ZNF398: variants seen among roughly 807,000 people sequenced by gnomAD.
ZNF398 encodes zinc finger protein 398.
A neutral mutation model predicts 41.9 loss-of-function variants in ZNF398; 18 were observed. The ratio of observed to expected loss-of-function variants is 0.43; its 90% confidence interval spans 0.30 to 0.64. ZNF398 has a LOEUF of 0.64. Among genes scored for constraint, ZNF398 ranks in the 30% least tolerant of loss-of-function variants. The pLI, the probability that ZNF398 is intolerant of heterozygous loss-of-function variation, is 0.14. For missense variants in ZNF398, 669 were observed against 822.8 expected (o/e 0.81, Z 2.29); for synonymous variants, 260 against 308.8 (o/e 0.84, Z 1.66).
chr7:149,151,394 C>G (rs1323865615), intron 1 of ZNF398: 1 of 364,256 alleles, frequency 2.7e-6, no homozygotes, highest in African/African-American at 2.1e-5. Flanking sequence ...GGTCAAAGGA[C>G]TAGGTGAAAT....
intron 2 of ZNF398, among the ~76,000 whole-genome samples, chr7:149,141,456 C>T (rs13230655): frequency 0.56 from 71,257 of 126,886 alleles, 21,403 homozygotes; most frequent in East Asian, 0.89. Context: ...TCTTTTTTTT[C>T]TTTTTTTTTT....
intron 1 of ZNF398, 68 bp from the exon 2 acceptor site, chr7:149,153,877 G>A (rs1794912132): frequency 6.6e-7 from 1 of 1,526,208 alleles, no homozygotes; most frequent in African/African-American, 1.4e-5. Flanking sequence ...GTCCTTATCT[G>A]ATTTTAGTTT....
At chr7:149,171,482 C>T (rs1795342059) in intron 4 of ZNF398, among the ~76,000 whole-genome samples, 1 of 152,038 alleles carries the variant, frequency 6.6e-6, no homozygotes, top group Non-Finnish European at 1.5e-5. Context: ...GATTCTCCTG[C>T]CTCAGCCTCC....
upstream of ZNF398, among the ~76,000 whole-genome samples, chr7:149,145,978 C>A (rs1193242155): frequency 1.5e-5 from 2 of 136,258 alleles, no homozygotes; most frequent in Admixed American, 8.1e-5. Flanking sequence ...TGGAGTCTAG[C>A]TCTGTCGCCC....
At chr7:149,151,696 A>T (rs767740527) in intron 1 of ZNF398, among the ~76,000 whole-genome samples, 26 of 152,152 alleles carry the variant, frequency 1.7e-4, no homozygotes, top group Non-Finnish European at 2.8e-4. Context: ...AATAAAAAAA[A>T]AATTAAGCTA....
chr7:149,149,473 C>A (rs947684253), intron 1 of ZNF398, among the ~76,000 whole-genome samples: 1 of 152,040 alleles, frequency 6.6e-6, no homozygotes, highest in Admixed American at 6.6e-5. Flanking sequence ...ACCTCGTGAT[C>A]CGCCCGCTGG....
rs1208016701 is a variant in ZNF398 at position 149,178,894 on chromosome 7, A to C, written c.1022A>C (p.Gln341Pro). 6.2e-7 allele frequency: 1 copy of C among 1,614,138 alleles called. No individual in the cohort carries two copies. The highest frequency in any genetic ancestry group is 1.3e-5 in the African/African-American group (1 of 75,052). Residue 341 changes from glutamine (Q) to proline (P), a missense_variant, in exon 6 of 6, where the codon CAG becomes CCG. Gln to Pro is a moderately conservative substitution (Grantham distance 76, BLOSUM62 -1). Around this residue, in one of 3 missense-constraint regions of ZNF398, gnomAD observed 290 missense variants for 292.9 expected, o/e 0.99. Transcript: ENST00000475153. ...SYPLPPPVGE[Q>P]VFSCHHCGKN... ...CCCCTCCCACCTCCAGTTGGCGAGC[A>C]GGTGTTCTCATGCCACCACTGTGGC...
intron 4 of ZNF398, among the ~76,000 whole-genome samples, chr7:149,170,832 G>A (rs1435553218): frequency 6.6e-6 from 1 of 152,012 alleles, no homozygotes; most frequent in African/African-American, 2.4e-5. Flanking sequence ...GTGAGTGAAT[G>A]TGAAGGCCTA....
At chr7:149,149,008 TA>T (rs1827039736) in intron 1 of ZNF398, among the ~76,000 whole-genome samples, 2 of 151,482 alleles carry the variant, frequency 1.3e-5, no homozygotes, top group African/African-American at 4.8e-5. Flanking sequence ...GCGTCACGTT[TA>T]AAAAGTAAAA....
chr7:149,128,577 T>A (rs1206227502), intron 1 of ZNF398, among the ~76,000 whole-genome samples: 3 of 151,608 alleles, frequency 2.0e-5, no homozygotes, highest in East Asian at 1.9e-4. Context: ...CGAAACCCCA[T>A]CTCTACAGAA....
At chr7:149,171,057 C>T (rs921484063) in intron 4 of ZNF398, among the ~76,000 whole-genome samples, 1 of 147,078 alleles carries the variant, frequency 6.8e-6, no homozygotes, top group African/African-American at 2.6e-5. Flanking sequence ...ACCATGTTAA[C>T]CAGGATGGTC....
Position 149,131,841 on chromosome 7 carries a change from G to A in ZNF398, c.-490+2897G>A, listed in dbSNP as rs1826601480. The stretch of plus-strand genomic sequence containing the variant: ...GGGGAGGGTTTCCTGTTTTAGCTTA[G>A]TCTATTATCCTAGTGGAAAATTCTT... On this transcript the variant is annotated intron_variant, in intron 2 of 6. Coordinates refer to the ZNF398 transcript ENST00000426851. 4.0e-5 allele frequency among the ~76,000 whole-genome samples: 6 copies of A among 151,246 alleles called. No individual in the cohort carries two copies. In the South Asian group the frequency reaches 1.2e-3, roughly 31 times the overall value.
In ZNF398 at chr7:149,178,804, G is replaced by T. The variant is rs143485265; in HGVS notation, c.932G>T (p.Arg311Leu). ...TCTACATCCATGACACCTTTTGGAC[G>T]TCCAGCCACTGACCTGCCTGAAGCC... Reference protein sequence around the residue: ...QQSTSMTPFGRPATDLPEASE... With the variant: ...QQSTSMTPFGLPATDLPEASE... The change falls in exon 6 of 6, where the codon CGT becomes CTT. Residue 311 changes from arginine to leucine, a missense_variant. Arg to Leu is a moderately radical substitution (Grantham distance 102). This residue lies in a region of ZNF398 where 290 missense variants were observed against 292.9 expected (regional missense o/e 0.99). Coordinates refer to ENST00000475153, the MANE Select transcript of ZNF398 (RefSeq NM_170686.3). 5 of 1,614,154 alleles carry T rather than the reference G, an allele frequency of 3.1e-6. No homozygotes were observed. The highest frequency in any genetic ancestry group is 1.1e-5 in the South Asian group (1 of 91,084).
intron 2 of ZNF398, among the ~76,000 whole-genome samples, chr7:149,164,910 G>A (rs1255440099): frequency 6.6e-6 from 1 of 152,030 alleles, no homozygotes; most frequent in African/African-American, 2.4e-5. Context: ...CCTGACCAAC[G>A]TGGTGAAACC....
At chr7:149,126,434 G>C (rs1826478288) in exon 1 of ZNF398, 2 of 794,614 alleles carry the variant, frequency 2.5e-6, no homozygotes. Context: ...CAGAGGAGGG[G>C]CCCGGGCACC....
At chr7:149,145,295 C>G (rs540848240), upstream of ZNF398, among the ~76,000 whole-genome samples, 2 of 152,288 alleles carry the variant, frequency 1.3e-5, no homozygotes, top group South Asian at 4.1e-4. Flanking sequence ...ACACATGAAA[C>G]CGCCCCAACA....
intron 1 of ZNF398, among the ~76,000 whole-genome samples, chr7:149,151,666 C>T (rs1827117096): frequency 6.6e-6 from 1 of 151,252 alleles, no homozygotes; most frequent in Admixed American, 6.6e-5. Flanking sequence ...CCTCGGTGAC[C>T]CTGTCTCTAA....
chr7:149,146,863 C>T (rs1826955180), upstream of ZNF398, among the ~76,000 whole-genome samples: 1 of 151,944 alleles, frequency 6.6e-6, no homozygotes, highest in African/African-American at 2.4e-5. Context: ...AATAAATAAA[C>T]AAAAATTAAG....
chr7:149,133,641 T>C lies in ZNF398; in HGVS notation c.-490+4697T>C, dbSNP rs1413910124. ...CCACTGCACCTGGCTTTTGGTTATT[T>C]TTGTGTTTTTTAAATATATATATAT... On this transcript the variant is annotated intron_variant, in intron 2 of 6. Transcript: ENST00000426851. Among the ~76,000 whole-genome samples the C allele has an allele frequency of 6.1e-5, 8 of 131,766 alleles. No homozygotes were observed. In the Admixed American group the frequency reaches 6.3e-4, roughly 10 times the overall value. The allele number at this position is 131,766 out of a possible 152,430, so 86.4% of individuals were successfully genotyped here. A position where few individuals can be genotyped will look rare whatever the true frequency, so the allele number is the denominator to read the frequency against.
Sources: gnomAD v4.1 joint callset for allele counts (sites outside exome capture counted in the v4.1 genomes callset) on GRCh38, gnomAD v4.1.1 for gene constraint, gnomAD v4.1.1 regional missense constraint, MANE v1.5 for transcripts, NCBI Gene and HGNC (gene_info 2026-07-23, HGNC 2026-07-21) for gene names.